The following NET1 variants were observed in gnomAD, a reference collection of about 807,000 sequenced individuals.
The protein encoded by NET1 is neuroepithelial cell-transforming gene 1 protein.
Under a neutral mutation model 61.1 loss-of-function variants are expected in NET1, and 42 were observed. The ratio of observed to expected loss-of-function variants is 0.69; its 90% CI spans 0.54 to 0.89. NET1 has a LOEUF of 0.89. Among genes scored for constraint, NET1 ranks in the 40% least tolerant of loss-of-function variants. The pLI, the probability that NET1 is intolerant of heterozygous loss-of-function variation, is 0.00. For missense variants in NET1, 654 were observed against 747.3 expected (o/e 0.88, Z 1.46); for synonymous variants, 254 against 281.8 (o/e 0.90, Z 0.99).
rs916814612 is a variant in NET1, at chr10:5,454,105, A to G, written c.769-160A>G. ...TTTGAAGAGCATTTTGATGATTGCT[A>G]AAATGCTATTCAGCTTCCATTATTA... is the stretch of plus-strand genomic sequence containing the variant. On this transcript the variant is annotated intron_variant, in intron 8 of 11. Transcript: ENST00000355029. The surrounding 1 kb of genome is among the most constrained non-coding windows in gnomAD (Gnocchi z 8.1). Among the ~76,000 whole-genome samples, 21 of 152,354 alleles carry G rather than the reference A, an allele frequency of 1.4e-4. No homozygotes were observed. The highest frequency in any genetic ancestry group is 3.4e-3 in the Middle Eastern group (1 of 294).
chr10:5,436,189 TGTGTGTG>T (rs371244706), intron 3 of NET1, among the ~76,000 whole-genome samples: 971 of 14,496 alleles, frequency 0.067, 3 homozygotes, highest in Non-Finnish European at 0.092. Flanking sequence ...GTGTGTGTTG[TGTGTGTG>T]TGTGTGTGTG....
In NET1 at chr10:5,431,656, A is replaced by G. The variant is rs1238491120; in HGVS notation, c.255+2427A>G. Among the ~76,000 whole-genome samples, 1 of 152,222 alleles carries G rather than the reference A, an allele frequency of 6.6e-6. No individual in the cohort carries two copies. Among genetic ancestry groups the G allele is most frequent in the Non-Finnish European group, 1.5e-5 (1 of 68,040 alleles). ...TCTTTTCCTTTGTCAGTTTTCAACAATAACGAATTCTATTCATTAGCATTC... is the reference window on the plus strand; with the variant it reads ...TCTTTTCCTTTGTCAGTTTTCAACAGTAACGAATTCTATTCATTAGCATTC... On this transcript the variant is annotated intron_variant, in intron 3 of 11. Transcript: ENST00000355029. This position sits in a 1 kb window ranked among gnomAD's most constrained non-coding sequence, Gnocchi z 4.9.
In NET1 at chr10:5,449,915, A is replaced by G. The variant is rs1253231677; in HGVS notation, c.256-1915A>G. Among the ~76,000 whole-genome samples, 1 of 152,238 alleles carries G rather than the reference A, an allele frequency of 6.6e-6. No individual in the cohort carries two copies. The highest frequency in any genetic ancestry group is 1.5e-5 in the Non-Finnish European group (1 of 68,046). On this transcript the variant is annotated intron_variant, in intron 3 of 11. Transcript: ENST00000355029. The surrounding 1 kb of genome is among the most constrained non-coding windows in gnomAD (Gnocchi z 4.4). The stretch of plus-strand genomic sequence containing the variant: ...TTAACCTCTGTTCCCAAAAAGCGGA[A>G]CAGAACTTTCTGACAACTGCTTTGT...
rs1392634257 is a variant in NET1 at position 5,447,889 on chromosome 10, T to C, written c.256-3941T>C. 1.3e-5 allele frequency among the ~76,000 whole-genome samples: 2 copies of C among 152,232 alleles called. No homozygotes were observed. The highest frequency in any genetic ancestry group is 2.9e-5 in the Non-Finnish European group (2 of 68,034). On this transcript the variant is annotated intron_variant, in intron 3 of 11. Transcript: ENST00000355029. The surrounding 1 kb of genome is among the most constrained non-coding windows in gnomAD (Gnocchi z 4.1). The stretch of plus-strand genomic sequence containing the variant: ...TGTGAATCCTGCAGCTTATCATCTG[T>C]TGGGCCCATAGAAGCTGGCCTTTGT...
rs533159884 is a variant in NET1, at chr10:5,457,823, G to A, written c.*829G>A. The A allele has an allele frequency of 2.0e-5, 3 of 152,664 alleles. No homozygotes were observed. Among genetic ancestry groups the A allele is most frequent in the Admixed American group, 2.0e-4 (3 of 15,286 alleles). The allele number at this position is 152,664 out of a possible 1,614,324, so 9.5% of individuals were successfully genotyped here. A position where few individuals can be genotyped will look rare whatever the true frequency, so the allele number is the denominator to read the frequency against. On this transcript the variant is annotated 3_prime_UTR_variant, in exon 12 of 12. Transcript: ENST00000355029. The surrounding 1 kb of genome is among the most constrained non-coding windows in gnomAD (Gnocchi z 5.4). ...AATTAAGAAAATTGCCATTTTTAAAGTGTAGCATTTCAGGGTAAAGACCCA... is the reference window on the plus strand; with the variant it reads ...AATTAAGAAAATTGCCATTTTTAAAATGTAGCATTTCAGGGTAAAGACCCA...
At chr10:5,419,152 C>G (rs1192735651) in intron 1 of NET1, among the ~76,000 whole-genome samples, 1 of 151,964 alleles carries the variant, frequency 6.6e-6, no homozygotes, top group East Asian at 1.9e-4. Context: ...ACATTTTTTT[C>G]TTTGAAAGGC....
Position 5,457,355 on chromosome 10 carries a change from T to C in NET1, c.*361T>C, listed in dbSNP as rs1832823534. On this transcript the variant is annotated 3_prime_UTR_variant, in exon 12 of 12. Coordinates refer to ENST00000355029, the MANE Select transcript of NET1 (RefSeq NM_001047160.3). The surrounding 1 kb of genome is among the most constrained non-coding windows in gnomAD (Gnocchi z 5.4). Reference sequence around the variant, plus strand: ...TCACCAAAACTTAGAATTTTGCAAATGCTGGAATTCTGCCAGTGTTTCTTT... The same window carrying C: ...TCACCAAAACTTAGAATTTTGCAAACGCTGGAATTCTGCCAGTGTTTCTTT... 1 of 158,120 alleles carries C rather than the reference T, an allele frequency of 6.3e-6. No individual in the cohort carries two copies. Among genetic ancestry groups the C allele is most frequent in the South Asian group, 2.0e-4 (1 of 4,892 alleles). 9.8% of individuals were successfully genotyped at this position (158,120 alleles called of 1,614,324 possible).
Position 5,452,741 on chromosome 10 carries a change from T to G in NET1, c.532-117T>G, listed in dbSNP as rs1008774053. ...TGAGATTCCATTCTGAATTACAATT[T>G]TCAGACTGAGTTACTTTTTAAAATG... On this transcript the variant is annotated intron_variant, in intron 5 of 11. Transcript: ENST00000355029. This position sits in a 1 kb window ranked among gnomAD's most constrained non-coding sequence, Gnocchi z 4.0. 5 of 1,037,190 alleles carry G rather than the reference T, an allele frequency of 4.8e-6. No homozygotes were observed. The Admixed American group carries it at 9.6e-5, about 20-fold the overall frequency. 64.2% of individuals were successfully genotyped at this position (1,037,190 alleles called of 1,614,324 possible). A position where few individuals can be genotyped will look rare whatever the true frequency, so the allele number is the denominator to read the frequency against.
chr10:5,450,931 C>T (rs1217831435), intron 3 of NET1, among the ~76,000 whole-genome samples: 3 of 152,094 alleles, frequency 2.0e-5, no homozygotes, highest in African/African-American at 7.2e-5. Flanking sequence ...TATTTCTTCT[C>T]GATTTGTATA....
At position 5,448,478 on chromosome 10, in the gene NET1, T is replaced by C. The variant is rs116918297; in HGVS notation, c.256-3352T>C. 6.5e-3 allele frequency among the ~76,000 whole-genome samples: 986 copies of C among 152,332 alleles called. 36 individuals carry two copies. The East Asian group carries it at 0.11, about 16-fold the overall frequency. ...TGTGGACAGATTGCCTATAATAATG[T>C]ATGTGACTGCCTGGCTAACCTAGTC... On this transcript the variant is annotated intron_variant, in intron 3 of 11. Transcript: ENST00000355029.
intron 1 of NET1, among the ~76,000 whole-genome samples, chr10:5,414,981 A>G (rs1832054831): frequency 6.6e-6 from 1 of 152,240 alleles, no homozygotes; most frequent in East Asian, 1.9e-4. Context: ...AGTGAGACAC[A>G]GTTAGAAGAA....
At position 5,440,627 on chromosome 10, in the gene NET1, G is replaced by A. The variant is rs763817880; in HGVS notation, c.256-11203G>A. Among the ~76,000 whole-genome samples, 4 of 152,166 alleles carry A rather than the reference G, an allele frequency of 2.6e-5. No homozygotes were observed. The highest frequency in any genetic ancestry group is 5.9e-5 in the Non-Finnish European group (4 of 68,022). On this transcript the variant is annotated intron_variant, in intron 3 of 11. Coordinates refer to ENST00000355029, the MANE Select transcript of NET1 (RefSeq NM_001047160.3). The surrounding 1 kb of genome is among the most constrained non-coding windows in gnomAD (Gnocchi z 4.1). ...CTTACCATCTTGGCCCAGGTGTAAGGGGTGAAATTTCAGGGACTCCCACTT... is the reference window on the plus strand; with the variant it reads ...CTTACCATCTTGGCCCAGGTGTAAGAGGTGAAATTTCAGGGACTCCCACTT...
chr10:5,454,481 A>G lies in NET1; in HGVS notation c.985A>G (p.Thr329Ala). 1.2e-6 allele frequency: 2 copies of G among 1,614,018 alleles called. No individual in the cohort carries two copies. The highest frequency in any genetic ancestry group is 1.7e-6 in the Non-Finnish European group (2 of 1,180,004). The change falls in exon 9 of 12, where the codon ACT (threonine) becomes GCT (alanine). Residue 329 changes from threonine (T) to alanine (A), a missense_variant. Physicochemically the swap from Thr to Ala is moderately conservative, Grantham distance 58. Coordinates refer to ENST00000355029, the MANE Select transcript of NET1 (RefSeq NM_001047160.3). The surrounding 1 kb of genome is among the most constrained non-coding windows in gnomAD (Gnocchi z 8.1). The stretch of plus-strand genomic sequence containing the variant: ...ACTGTTAAAAGAAATTCTTAAACAC[A>G]CTCCAAAAGAGCACCCTGATGTTCA... Reference protein sequence around the residue: ...PLLLKEILKHTPKEHPDVQLL... With the variant: ...PLLLKEILKHAPKEHPDVQLL...
rs1832228073 is a variant in NET1, at chr10:5,424,493, A to G, written c.129-2162A>G. Among the ~76,000 whole-genome samples the G allele has an allele frequency of 6.6e-6, 1 of 152,094 alleles. No homozygotes were observed. Among genetic ancestry groups the G allele is most frequent in the African/African-American group, 2.4e-5 (1 of 41,424 alleles). On this transcript the variant is annotated intron_variant, in intron 1 of 11. Coordinates refer to ENST00000355029, the MANE Select transcript of NET1 (RefSeq NM_001047160.3). This position sits in a 1 kb window ranked among gnomAD's most constrained non-coding sequence, Gnocchi z 6.1. The stretch of plus-strand genomic sequence containing the variant: ...TTCAGATGACTTTTTTTGTTTAAAT[A>G]CTTTGTTCCAGGGTTTTCTCAAGAA...
At position 5,417,901 on chromosome 10, in the gene NET1, T is replaced by A. The variant is rs1191088665; in HGVS notation, c.128+5081T>A. 6.6e-6 allele frequency among the ~76,000 whole-genome samples: 1 copy of A among 152,208 alleles called. No individual in the cohort carries two copies. The highest frequency in any genetic ancestry group is 6.5e-5 in the Admixed American group (1 of 15,282). On this transcript the variant is annotated intron_variant, in intron 1 of 11. Coordinates refer to ENST00000355029, the MANE Select transcript of NET1 (RefSeq NM_001047160.3). The surrounding 1 kb of genome is among the most constrained non-coding windows in gnomAD (Gnocchi z 5.5). ...ATGAAAGGTTTTAGGGTTTTTTTTCTTTTGTCTATTGAAATGATCATGTGG... is the reference window on the plus strand; with the variant it reads ...ATGAAAGGTTTTAGGGTTTTTTTTCATTTGTCTATTGAAATGATCATGTGG...
rs1330283474 is a variant in NET1, at chr10:5,415,481, C to T, written c.128+2661C>T. Among the ~76,000 whole-genome samples, 3 of 151,040 alleles carry T rather than the reference C, an allele frequency of 2.0e-5. No homozygotes were observed. The highest frequency in any genetic ancestry group is 7.3e-5 in the African/African-American group (3 of 41,044). On this transcript the variant is annotated intron_variant, in intron 1 of 11. Coordinates refer to ENST00000355029, the MANE Select transcript of NET1 (RefSeq NM_001047160.3). The surrounding 1 kb of genome is among the most constrained non-coding windows in gnomAD (Gnocchi z 4.7). Reference sequence around the variant, plus strand: ...TTGAGACGGAGTCTCAGTCTGTCACCGGGGCTGGAGTACAGTGGCATGATC... The same window carrying T: ...TTGAGACGGAGTCTCAGTCTGTCACTGGGGCTGGAGTACAGTGGCATGATC...
Position 5,446,481 on chromosome 10 carries a change from G to T in NET1, c.256-5349G>T. On this transcript the variant is annotated intron_variant, in intron 3 of 11. Coordinates refer to ENST00000355029, the MANE Select transcript of NET1 (RefSeq NM_001047160.3). The surrounding 1 kb of genome is among the most constrained non-coding windows in gnomAD (Gnocchi z 5.0). ...TTCACTCTCCTCCTGGGCGAAAGCT[G>T]AGAGGCCTAGGTGTGCCCAGCTCTC... The T allele has an allele frequency of 1.2e-6, 1 of 847,646 alleles. No individual in the cohort carries two copies. The highest frequency in any genetic ancestry group is 1.8e-5 in the African/African-American group (1 of 56,378). The allele number at this position is 847,646 out of a possible 1,614,324, so 52.5% of individuals were successfully genotyped here.
intron 3 of NET1, among the ~76,000 whole-genome samples, chr10:5,448,595 A>T (rs1832653996): frequency 6.6e-6 from 1 of 151,768 alleles, no homozygotes; most frequent in South Asian, 2.1e-4. Flanking sequence ...CCCTGGTGAA[A>T]GGTTCCCTGC....
At position 5,416,078 on chromosome 10, in the gene NET1, G is replaced by A. The variant is rs535161423; in HGVS notation, c.128+3258G>A. ...TTGAGTTAGTTTTTGTATATAATGT[G>A]AGATGACGGTCCAACTTAATTCTTT... On this transcript the variant is annotated intron_variant, in intron 1 of 11. Coordinates refer to ENST00000355029, the MANE Select transcript of NET1 (RefSeq NM_001047160.3). This position sits in a 1 kb window ranked among gnomAD's most constrained non-coding sequence, Gnocchi z 6.1. Among the ~76,000 whole-genome samples the A allele has an allele frequency of 7.2e-5, 11 of 152,262 alleles. No individual in the cohort carries two copies. The highest frequency in any genetic ancestry group is 2.4e-4 in the African/African-American group (10 of 41,548).
Sources: allele counts gnomAD v4.1 joint callset (sites outside exome capture counted in the v4.1 genomes callset), GRCh38; gene constraint gnomAD v4.1.1; non-coding constraint Gnocchi (gnomAD v3.1); transcripts MANE v1.5; gene names NCBI Gene and HGNC (gene_info 2026-07-23, HGNC 2026-07-21).